The following VPS41 variants were observed in gnomAD, a reference collection of about 807,000 sequenced individuals.
The protein encoded by VPS41 is VPS41 subunit of HOPS complex.
VPS41 carries 85 observed loss-of-function variants against 130.9 expected under a neutral mutation model. That is an observed-to-expected ratio of 0.65 (90% CI 0.55 to 0.78). The LOEUF is 0.78. Among genes scored for constraint, VPS41 ranks in the 30% least tolerant of loss-of-function variants. The pLI is 0.00. For missense variants in VPS41, 874 were observed against 1,018.7 expected (o/e 0.86, Z 1.93); for synonymous variants, 335 against 332.9 (o/e 1.01, Z -0.07).
chr7:38,853,880 A>C (rs1785921412), intron 4 of VPS41, among the ~76,000 whole-genome samples: 1 of 152,252 alleles, frequency 6.6e-6, no homozygotes, highest in Non-Finnish European at 1.5e-5. Flanking sequence ...ATGTTAAAAC[A>C]TTCAGTAAGT....
intron 25 of VPS41, among the ~76,000 whole-genome samples, chr7:38,737,476 T>A (rs1351512864): frequency 6.6e-6 from 1 of 152,134 alleles, no homozygotes; most frequent in Non-Finnish European, 1.5e-5. Flanking sequence ...ATGGCAAGCA[T>A]TACCCATGAA....
At chr7:38,801,832 A>G (rs1352302415) in intron 7 of VPS41, among the ~76,000 whole-genome samples, 1 of 152,200 alleles carries the variant, frequency 6.6e-6, no homozygotes, top group East Asian at 1.9e-4. Flanking sequence ...TCCTTCTCTG[A>G]CCATACACAC....
chr7:38,804,282 G>T (rs908688424), intron 7 of VPS41, among the ~76,000 whole-genome samples: 2 of 152,046 alleles, frequency 1.3e-5, no homozygotes, highest in Admixed American at 6.5e-5. Flanking sequence ...TGTCACCCAG[G>T]TATTAAGCCT....
At chr7:38,755,550 A>G (rs1457034427) in intron 19 of VPS41, among the ~76,000 whole-genome samples, 1 of 152,180 alleles carries the variant, frequency 6.6e-6, no homozygotes, top group Non-Finnish European at 1.5e-5. Flanking sequence ...AGCACACCAG[A>G]CTGAGCCTCA....
At chr7:38,905,539 C>T (rs1273423137) in intron 1 of VPS41, among the ~76,000 whole-genome samples, 5 of 152,256 alleles carry the variant, frequency 3.3e-5, no homozygotes, top group African/African-American at 1.2e-4. Context: ...GTTTCAGATC[C>T]TCTGAGCTGT....
chr7:38,872,538 G>A (rs1325621845), intron 2 of VPS41, among the ~76,000 whole-genome samples: 1 of 152,222 alleles, frequency 6.6e-6, no homozygotes, highest in East Asian at 1.9e-4. Flanking sequence ...TATTTCGGAT[G>A]CAAGTATTAA....
intron 4 of VPS41, among the ~76,000 whole-genome samples, chr7:38,843,544 CG>C (rs111803439): frequency 0.1 from 15,654 of 151,864 alleles, 1,195 homozygotes; most frequent in African/African-American, 0.21. Context: ...TAGCCGGGCG[CG>C]GTGCTGGGCG....
chr7:38,745,343 T>C (rs1425579488), intron 23 of VPS41, among the ~76,000 whole-genome samples: 1 of 152,222 alleles, frequency 6.6e-6, no homozygotes, highest in Admixed American at 6.5e-5. Flanking sequence ...GATATGTTGA[T>C]TATACATTGC....
chr7:38,869,155 G>A lies in VPS41; in HGVS notation c.159C>T (p.Val53=). The A allele has an allele frequency of 6.3e-7, 1 of 1,581,978 alleles. No individual in the cohort carries two copies. Among genetic ancestry groups the A allele is most frequent in the Non-Finnish European group, 8.6e-7 (1 of 1,161,596 alleles). Residue 53 remains valine (V), a synonymous_variant, in exon 3 of 29, where the codon GTC becomes GTT. Transcript: ENST00000310301. The part of the protein sequence containing the change: ...LQKDAASCMT[V]HDKFLALGTH... ...GAAAGTGCTATCTTACCTTGTCATG[G>A]ACTGTCATGCAGCTAGCTGCATCCT...
intron 5 of VPS41, among the ~76,000 whole-genome samples, chr7:38,827,910 T>G (rs1307311807): frequency 1.3e-5 from 2 of 152,150 alleles, no homozygotes; most frequent in African/African-American, 4.8e-5. Context: ...TAGACATAAC[T>G]TAGCAAACTG....
chr7:38,761,387 C>T (rs1356870082), intron 17 of VPS41, among the ~76,000 whole-genome samples: 7 of 148,704 alleles, frequency 4.7e-5, no homozygotes, highest in Non-Finnish European at 8.9e-5. Context: ...GCAAGTCTCT[C>T]GCTTCAGCCT....
rs765838525 is a variant in VPS41, at chr7:38,772,613, A to G, written c.1037T>C (p.Phe346Ser). ...HLEYSEGESL[F>S]YIVSPRDVVV... ...AACATCTCTCGGACTCACGATGTAA[A>G]AAAGTGATTCCCCTTCAGAGTATTC... Residue 346 changes from phenylalanine to serine, a missense_variant, in exon 13 of 29, where the codon TTT becomes TCT. Phe to Ser is a radical substitution (Grantham distance 155). Transcript: ENST00000310301. 5 of 1,613,176 alleles carry G rather than the reference A, an allele frequency of 3.1e-6. No homozygotes were observed. The highest frequency in any genetic ancestry group is 1.7e-5 in the Admixed American group (1 of 59,988).
At chr7:38,823,787 A>G (rs1311112009) in intron 5 of VPS41, among the ~76,000 whole-genome samples, 1 of 152,216 alleles carries the variant, frequency 6.6e-6, no homozygotes, top group Non-Finnish European at 1.5e-5. Context: ...ATTTTTCCTG[A>G]GGCTGGCCTT....
At chr7:38,787,862 A>G (rs1002630049) in intron 10 of VPS41, among the ~76,000 whole-genome samples, 4 of 152,138 alleles carry the variant, frequency 2.6e-5, no homozygotes, top group African/African-American at 7.2e-5. Flanking sequence ...TTAAGAGGGG[A>G]AAAAATGGTA....
intron 14 of VPS41, 66 bp downstream of exon 14, chr7:38,771,132 T>A: frequency 8.6e-7 from 1 of 1,160,246 alleles, no homozygotes; most frequent in Admixed American, 2.0e-5. Flanking sequence ...TTTCAAATTA[T>A]TTTCAGTCTC....
In VPS41 at chr7:38,909,169, C is replaced by T. The variant is rs1787333477; in HGVS notation, c.6G>A (p.Ala2=). 2.5e-6 allele frequency: 4 copies of T among 1,614,116 alleles called. No homozygotes were observed. The highest frequency in any genetic ancestry group is 1.3e-5 in the African/African-American group (1 of 74,940). M[A]EAEEQETGSL... is the part of the protein sequence containing the mutation. ...CACCCTTTACCTGCTCCTCTGCTTCCGCCATGGCGCCACGGGAGAGTCACC... is the reference window on the plus strand; with the variant it reads ...CACCCTTTACCTGCTCCTCTGCTTCTGCCATGGCGCCACGGGAGAGTCACC... Residue 2 remains alanine, a synonymous_variant, in exon 1 of 29, where the codon GCG becomes GCA. Coordinates refer to ENST00000310301, the MANE Select transcript of VPS41 (RefSeq NM_014396.4).
chr7:38,805,158 T>A (rs1215421860), intron 7 of VPS41, among the ~76,000 whole-genome samples: 1 of 152,252 alleles, frequency 6.6e-6, no homozygotes, highest in Non-Finnish European at 1.5e-5. Flanking sequence ...CAAAAAGAGA[T>A]GCAAAATTGC....
rs1433659860 is a variant in VPS41 at position 38,725,180 on chromosome 7, G to A, written c.*1066C>T. On this transcript the variant is annotated 3_prime_UTR_variant, in exon 29 of 29. Coordinates refer to ENST00000310301, the MANE Select transcript of VPS41 (RefSeq NM_014396.4). ...CCCATTTATGGGACTAAGAGATCAG[G>A]AACAATAAGGATGTGTTTTGCGCAC... The A allele has an allele frequency of 1.3e-5, 2 of 152,146 alleles. No homozygotes were observed. The highest frequency in any genetic ancestry group is 2.9e-5 in the Non-Finnish European group (2 of 68,044). 9.4% of individuals were successfully genotyped at this position (152,146 alleles called of 1,614,324 possible).
At chr7:38,738,806 C>T (rs1311402131) in intron 25 of VPS41, among the ~76,000 whole-genome samples, 1 of 152,160 alleles carries the variant, frequency 6.6e-6, no homozygotes, top group Non-Finnish European at 1.5e-5. Flanking sequence ...ATTACACTAA[C>T]AAGGTAGCCG....
Sources: allele counts gnomAD v4.1 joint callset (sites outside exome capture counted in the v4.1 genomes callset), GRCh38; gene constraint gnomAD v4.1.1; transcripts MANE v1.5; gene names NCBI Gene and HGNC (gene_info 2026-07-23, HGNC 2026-07-21).